Variants in SLX4IP observed in about 807,000 individuals in gnomAD.
The protein encoded by SLX4IP is protein SLX4IP.
SLX4IP carries 34 observed loss-of-function variants against 32.9 expected under a neutral mutation model. That is an observed-to-expected ratio of 1.03 (90% CI 0.79 to 1.38). The LOEUF (loss-of-function observed/expected upper bound fraction) is 1.38. SLX4IP is among the 40% of genes most tolerant of loss of function. The probability of loss-of-function intolerance (pLI) is 0.00; values close to 1 mark genes in which losing one functional copy is unlikely to be tolerated. For synonymous variants in SLX4IP, 172 were observed against 171.7 expected, an observed-to-expected ratio of 1.00 and a Z score of -0.01; for missense variants, 444 against 479.0, an observed-to-expected ratio of 0.93 and a Z score of 0.68.
At chr20:10,579,450 CAG>C (rs2066558626) in intron 4 of SLX4IP, among the ~76,000 whole-genome samples, 1 of 151,176 alleles carries the variant, frequency 6.6e-6, no homozygotes, top group South Asian at 2.1e-4. Flanking sequence ...TTTTTTCAGA[CAG>C]AGTCTCTCTC....
chr20:10,603,576 G>C (rs2066868343), intron 6 of SLX4IP, among the ~76,000 whole-genome samples: 1 of 152,152 alleles, frequency 6.6e-6, no homozygotes, highest in South Asian at 2.1e-4. Context: ...TCCTTGTTTT[G>C]AGTGATTGTC....
In SLX4IP at chr20:10,593,101, C is replaced by T. The variant is rs568442730; in HGVS notation, c.239-5574C>T. Among the ~76,000 whole-genome samples, 50 of 152,212 alleles carry T rather than the reference C, an allele frequency of 3.3e-4. 1 individual carries two copies. In the South Asian group the frequency reaches 9.5e-3, roughly 29 times the overall value. On this transcript the variant is annotated intron_variant, in intron 4 of 7. Coordinates refer to ENST00000334534, the MANE Select transcript of SLX4IP (RefSeq NM_001009608.3). ...GGAAACAGTCACATGTCTGAACTGG[C>T]GTGCAATGCAGAGCTGCTTCCGGGT...
At chr20:10,482,638 G>C (rs370936217) in intron 2 of SLX4IP, among the ~76,000 whole-genome samples, 24 of 152,222 alleles carry the variant, frequency 1.6e-4, no homozygotes, top group African/African-American at 5.3e-4. Context: ...GTGGGGTAGG[G>C]TGAGATCCTC....
chr20:10,436,442 C>T (rs1054640867), intron 1 of SLX4IP, among the ~76,000 whole-genome samples: 1 of 152,124 alleles, frequency 6.6e-6, no homozygotes, highest in Admixed American at 6.5e-5. Flanking sequence ...CTGCCATCTC[C>T]GCCCCCCGGG....
intron 2 of SLX4IP, among the ~76,000 whole-genome samples, chr20:10,480,896 G>GT (rs1200602510): frequency 6.6e-6 from 1 of 152,058 alleles, no homozygotes; most frequent in Non-Finnish European, 1.5e-5. Context: ...TCAGAGCTTT[G>GT]TAACAACATT....
At chr20:10,573,794 CAA>C (rs2066492885) in intron 4 of SLX4IP, among the ~76,000 whole-genome samples, 1 of 152,186 alleles carries the variant, frequency 6.6e-6, no homozygotes, top group Non-Finnish European at 1.5e-5. Flanking sequence ...TTTCTTTTTA[CAA>C]ATGTTTAAAT....
intron 2 of SLX4IP, among the ~76,000 whole-genome samples, chr20:10,474,761 C>G (rs2065460062): frequency 6.6e-6 from 1 of 152,204 alleles, no homozygotes; most frequent in African/African-American, 2.4e-5. Flanking sequence ...TTTATTCCAT[C>G]TAATCGGGGC....
At position 10,519,142 on chromosome 20, in the gene SLX4IP, C is replaced by T. The variant is rs187893886; in HGVS notation, c.28-37089C>T. Reference sequence around the variant, plus strand: ...TCATAGTCTTTGCAAAAGTTGGATACGTTTTGACAAATATTTACATCTGTG... The same window carrying T: ...TCATAGTCTTTGCAAAAGTTGGATATGTTTTGACAAATATTTACATCTGTG... On this transcript the variant is annotated intron_variant, in intron 2 of 7. Coordinates refer to ENST00000334534, the MANE Select transcript of SLX4IP (RefSeq NM_001009608.3). Among the ~76,000 whole-genome samples, 31 of 152,196 alleles carry T rather than the reference C, an allele frequency of 2.0e-4. No individual in the cohort carries two copies. The South Asian group carries it at 4.6e-3, about 22-fold the overall frequency.
chr20:10,616,139 G>A (rs895198619), intron 6 of SLX4IP, among the ~76,000 whole-genome samples: 2 of 151,948 alleles, frequency 1.3e-5, no homozygotes, highest in African/African-American at 2.4e-5. Context: ...AAAGATTGTC[G>A]AGTCACCAAT....
At chr20:10,558,545 A>G (rs544412465) in intron 3 of SLX4IP, among the ~76,000 whole-genome samples, 3 of 152,312 alleles carry the variant, frequency 2.0e-5, no homozygotes, top group East Asian at 1.9e-4. Context: ...CCATTTTAAC[A>G]GTCATTTTAT....
chr20:10,445,627 CTT>C (rs35240560), intron 1 of SLX4IP, among the ~76,000 whole-genome samples: 2,211 of 131,182 alleles, frequency 0.017, 33 homozygotes, highest in African/African-American at 0.038. Context: ...TGAGATTGCC[CTT>C]TTTTTTTTTT....
chr20:10,577,190 G>A (rs1433628850), intron 4 of SLX4IP, among the ~76,000 whole-genome samples: 4 of 152,120 alleles, frequency 2.6e-5, no homozygotes, highest in East Asian at 1.9e-4. Context: ...CTAGAAGACT[G>A]AGATTTTTGT....
chr20:10,571,213 G>A (rs1053356065), intron 4 of SLX4IP, among the ~76,000 whole-genome samples: 2 of 152,112 alleles, frequency 1.3e-5, no homozygotes, highest in Admixed American at 6.5e-5. Context: ...CCAGGTTCGG[G>A]CACCGAGCAG....
intron 2 of SLX4IP, among the ~76,000 whole-genome samples, chr20:10,547,445 C>T (rs757904891): frequency 6.6e-6 from 1 of 152,168 alleles, no homozygotes; most frequent in Non-Finnish European, 1.5e-5. Flanking sequence ...TCCTTTTCAC[C>T]TCAGACAAGT....
intron 2 of SLX4IP, among the ~76,000 whole-genome samples, chr20:10,508,007 A>G (rs1024586265): frequency 5.9e-5 from 9 of 151,982 alleles, no homozygotes; most frequent in Middle Eastern, 3.2e-3. Context: ...TAAACATTAA[A>G]CTTCTAATTA....
chr20:10,519,173 A>G (rs138102725), intron 2 of SLX4IP, among the ~76,000 whole-genome samples: 2 of 152,338 alleles, frequency 1.3e-5, no homozygotes, highest in Non-Finnish European at 2.9e-5. Flanking sequence ...CTGTGTAATC[A>G]TTGCCTTATC....
At chr20:10,511,757 C>T (rs553705266) in intron 2 of SLX4IP, among the ~76,000 whole-genome samples, 1 of 152,350 alleles carries the variant, frequency 6.6e-6, no homozygotes, top group South Asian at 2.1e-4. Flanking sequence ...GGTGCTGACT[C>T]ACCCTCTTCA....
chr20:10,492,501 T>C (rs1367176905), intron 2 of SLX4IP, among the ~76,000 whole-genome samples: 1 of 152,234 alleles, frequency 6.6e-6, no homozygotes, highest in Non-Finnish European at 1.5e-5. Flanking sequence ...TTTACTCATT[T>C]TTCTGCAGGA....
At chr20:10,442,244 C>T (rs2065164982) in intron 1 of SLX4IP, among the ~76,000 whole-genome samples, 1 of 152,186 alleles carries the variant, frequency 6.6e-6, no homozygotes, top group African/African-American at 2.4e-5. Flanking sequence ...ACAGAATAAT[C>T]TAGAGGGTCA....
Sources: allele counts gnomAD v4.1 joint callset (sites outside exome capture counted in the v4.1 genomes callset), GRCh38; gene constraint gnomAD v4.1.1; transcripts MANE v1.5; gene names NCBI Gene and HGNC (gene_info 2026-07-23, HGNC 2026-07-21).